Variants in PPM1E observed in about 807,000 individuals in gnomAD.
PPM1E encodes protein phosphatase 1E.
Under a neutral mutation model 65.9 loss-of-function variants are expected in PPM1E, and 20 were observed. The ratio of observed to expected loss-of-function variants is 0.30; its 90% confidence interval spans 0.21 to 0.44. The LOEUF is 0.44. Among genes scored for constraint, PPM1E ranks in the 20% least tolerant of loss-of-function variants. The pLI, the probability that PPM1E is intolerant of heterozygous loss-of-function variation, is 1.00. For synonymous variants in PPM1E, 352 were observed against 374.9 expected, an observed-to-expected ratio of 0.94 and a Z score of 0.70; for missense variants, 713 against 953.1, an observed-to-expected ratio of 0.75 and a Z score of 3.32.
In PPM1E at chr17:58,918,663, G is replaced by A. The variant is rs138313741; in HGVS notation, c.465-36986G>A. ...TCTACTAAAATACAAAAAATTCGCCGGGCATGGTGGCATGCACTTGTAGTC... is the reference window on the plus strand; with the variant it reads ...TCTACTAAAATACAAAAAATTCGCCAGGCATGGTGGCATGCACTTGTAGTC... On this transcript the variant is annotated intron_variant, in intron 1 of 6. Transcript: ENST00000308249. Among the ~76,000 whole-genome samples, 143 of 151,694 alleles carry A rather than the reference G, an allele frequency of 9.4e-4. 1 individual carries two copies. Among genetic ancestry groups the A allele is most frequent in the African/African-American group, 3.4e-3 (139 of 41,384 alleles).
At chr17:58,812,756 C>T (rs1047905965) in intron 1 of PPM1E, among the ~76,000 whole-genome samples, 11 of 151,830 alleles carry the variant, frequency 7.2e-5, no homozygotes, top group African/African-American at 1.7e-4. Flanking sequence ...TAGTAGAGAT[C>T]GGGTTTTGCC....
intron 1 of PPM1E, among the ~76,000 whole-genome samples, chr17:58,864,045 G>A (rs964017608): frequency 9.9e-5 from 15 of 150,980 alleles, no homozygotes; most frequent in South Asian, 4.2e-4. Context: ...CAGGGACCCC[G>A]CCCTTCTATC....
intron 6 of PPM1E, among the ~76,000 whole-genome samples, chr17:58,978,643 A>G (rs1196327624): frequency 6.6e-6 from 1 of 152,162 alleles, no homozygotes; most frequent in Admixed American, 6.5e-5. Context: ...CCTGGGAGGC[A>G]GAGGCTGCAG....
chr17:58,964,206 A>G (rs1196057803), intron 2 of PPM1E, among the ~76,000 whole-genome samples: 1 of 152,132 alleles, frequency 6.6e-6, no homozygotes, highest in Admixed American at 6.6e-5. Context: ...TCAGGCTGTC[A>G]AGCTATGTCT....
intron 1 of PPM1E, among the ~76,000 whole-genome samples, chr17:58,888,362 CTT>C (rs71367642): frequency 5.7e-5 from 6 of 104,468 alleles, no homozygotes; most frequent in African/African-American, 1.1e-4. Flanking sequence ...ACTCTTCTCT[CTT>C]TTTTTTTTTT....
intron 1 of PPM1E, among the ~76,000 whole-genome samples, chr17:58,908,957 C>A (rs1031145388): frequency 1.3e-5 from 2 of 152,044 alleles, no homozygotes; most frequent in Admixed American, 6.6e-5. Flanking sequence ...GATATATATA[C>A]ACACATAAGA....
intron 1 of PPM1E, among the ~76,000 whole-genome samples, chr17:58,782,750 A>G (rs1219443095): frequency 1.3e-5 from 2 of 152,092 alleles, no homozygotes; most frequent in Non-Finnish European, 2.9e-5. Context: ...TAAAAGATGA[A>G]TATAGAAAAG....
chr17:58,847,498 G>A (rs1389255769), intron 1 of PPM1E, among the ~76,000 whole-genome samples: 1 of 152,176 alleles, frequency 6.6e-6, no homozygotes, highest in African/African-American at 2.4e-5. Context: ...TGGCTAGCCA[G>A]TTTTCCCAGC....
chr17:58,907,463 G>A (rs1163417615), intron 1 of PPM1E, among the ~76,000 whole-genome samples: 1 of 152,168 alleles, frequency 6.6e-6, no homozygotes, highest in East Asian at 1.9e-4. Flanking sequence ...TGTGTATTCT[G>A]CTGTTGGATG....
intron 1 of PPM1E, among the ~76,000 whole-genome samples, chr17:58,916,070 C>G (rs1485320888): frequency 6.6e-6 from 1 of 152,156 alleles, no homozygotes; most frequent in African/African-American, 2.4e-5. Context: ...GACTCAAACT[C>G]CTGCTCTCAA....
At chr17:58,928,360 AATT>A (rs1440930203) in intron 1 of PPM1E, among the ~76,000 whole-genome samples, 1 of 151,990 alleles carries the variant, frequency 6.6e-6, no homozygotes. Flanking sequence ...ATTTGAAAGA[AATT>A]ATTATATCTA....
chr17:58,838,704 C>T (rs761649541), intron 1 of PPM1E, among the ~76,000 whole-genome samples: 7 of 152,146 alleles, frequency 4.6e-5, no homozygotes, highest in African/African-American at 9.7e-5. Context: ...TGTAAACTTA[C>T]GTCCACACAG....
intron 6 of PPM1E, among the ~76,000 whole-genome samples, chr17:58,973,663 AAAAC>A: frequency 6.6e-6 from 1 of 151,796 alleles, no homozygotes. Flanking sequence ...AAAAACAAAA[AAAAC>A]AAAGGCCGGG....
rs539618840 is a variant in PPM1E, at chr17:58,757,860, G to A, written c.464+1399G>A. 1.7e-4 allele frequency among the ~76,000 whole-genome samples: 26 copies of A among 152,142 alleles called. 1 individual carries two copies. The East Asian group carries it at 5.0e-3, about 29-fold the overall frequency. On this transcript the variant is annotated intron_variant, in intron 1 of 6. Transcript: ENST00000308249. ...AAGGTAATGATGCTTTTTGAGAAAC[G>A]TAAAATATAAAATGGCGTGTAATAC...
At chr17:58,935,333 G>A (rs555968245) in intron 1 of PPM1E, among the ~76,000 whole-genome samples, 10 of 152,196 alleles carry the variant, frequency 6.6e-5, no homozygotes, top group South Asian at 4.1e-4. Context: ...AAGAGGATTC[G>A]GAAGTGCAAG....
At chr17:58,902,514 GCATTTCCCA>G (rs2054526877) in intron 1 of PPM1E, among the ~76,000 whole-genome samples, 1 of 152,242 alleles carries the variant, frequency 6.6e-6, no homozygotes, top group South Asian at 2.1e-4. Context: ...GGGATGTGAA[GCATTTCCCA>G]CAGAAGTCAT....
intron 1 of PPM1E, among the ~76,000 whole-genome samples, chr17:58,788,062 C>T (rs916893994): frequency 1.3e-4 from 20 of 151,760 alleles, no homozygotes; most frequent in African/African-American, 4.6e-4. Flanking sequence ...TTTTTTTCTT[C>T]TTCCCTGAGA....
At chr17:58,893,139 C>CA (rs1471596054) in intron 1 of PPM1E, among the ~76,000 whole-genome samples, 2 of 152,102 alleles carry the variant, frequency 1.3e-5, no homozygotes, top group Non-Finnish European at 2.9e-5. Flanking sequence ...CTTATGCCCG[C>CA]AAAAAATACT....
intron 1 of PPM1E, among the ~76,000 whole-genome samples, chr17:58,810,366 C>T (rs1010043179): frequency 6.6e-6 from 1 of 152,010 alleles, no homozygotes; most frequent in Non-Finnish European, 1.5e-5. Flanking sequence ...GCCACCATGC[C>T]CAGCTAATTT....
Sources: allele counts gnomAD v4.1 joint callset (sites outside exome capture counted in the v4.1 genomes callset), GRCh38; gene constraint gnomAD v4.1.1; transcripts MANE v1.5; gene names NCBI Gene and HGNC (gene_info 2026-07-23, HGNC 2026-07-21).